CCR3: variants seen among roughly 807,000 people sequenced by gnomAD.
The protein encoded by CCR3 is C-C chemokine receptor type 3.
For missense variants in CCR3, 419 were observed against 437.5 expected, an observed-to-expected ratio of 0.96 and a Z score of 0.38; for synonymous variants, 203 against 179.2, an observed-to-expected ratio of 1.13 and a Z score of -1.06.
At chr3:46,240,875 A>G (rs757801009), upstream of CCR3, among the ~76,000 whole-genome samples, 2 of 152,238 alleles carry the variant, frequency 1.3e-5, no homozygotes, top group Non-Finnish European at 2.9e-5. Context: ...TTTTGCATTC[A>G]GGTGTCCAGC....
intron 1 of CCR3, among the ~76,000 whole-genome samples, chr3:46,250,043 T>A (rs1700275901): frequency 6.6e-6 from 1 of 152,122 alleles, no homozygotes; most frequent in Non-Finnish European, 1.5e-5. Flanking sequence ...GGTCTAGGGC[T>A]GTAAAGCGTC....
At chr3:46,235,854 T>A (rs1700018446) in intron 2 of CCR3, among the ~76,000 whole-genome samples, 1 of 152,250 alleles carries the variant, frequency 6.6e-6, no homozygotes. Flanking sequence ...TGGCATCTGC[T>A]GCCGAAGGCT....
At position 46,266,264 on chromosome 3, in the gene CCR3, G is replaced by A. The variant is rs766900796; in HGVS notation, c.*38G>A. ...AAATTGCCTAAAGAGGAAGGACCAA[G>A]GAGATGAAGCAAACACATTAAGCCT... On this transcript the variant is annotated 3_prime_UTR_variant, in exon 2 of 2. Transcript: ENST00000395940. 1.5e-6 allele frequency: 2 copies of A among 1,370,066 alleles called. No homozygotes were observed. Among genetic ancestry groups the A allele is most frequent in the Non-Finnish European group, 1.0e-6 (1 of 976,372 alleles). The allele number at this position is 1,370,066 out of a possible 1,614,324, so 84.9% of individuals were successfully genotyped here. A position where few individuals can be genotyped will look rare whatever the true frequency, so the allele number is the denominator to read the frequency against.
At chr3:46,261,318 T>C (rs1575511158) in intron 1 of CCR3, among the ~76,000 whole-genome samples, 3 of 152,152 alleles carry the variant, frequency 2.0e-5, no homozygotes, top group Non-Finnish European at 4.4e-5. Context: ...ATAAATCATC[T>C]AATAAATCTA....
chr3:46,257,829 A>AGTGTAACT (rs1410725356), intron 1 of CCR3, among the ~76,000 whole-genome samples: 1 of 152,232 alleles, frequency 6.6e-6, no homozygotes, highest in African/African-American at 2.4e-5. Flanking sequence ...AGTGTGGCTC[A>AGTGTAACT]GTGTAACTCT....
chr3:46,232,050 G>A (rs1699970764), intron 2 of CCR3, among the ~76,000 whole-genome samples: 1 of 152,100 alleles, frequency 6.6e-6, no homozygotes, highest in African/African-American at 2.4e-5. Flanking sequence ...ATATCCTGGG[G>A]AGAAAAATGT....
chr3:46,214,583 G>T (rs1036923522), intron 2 of CCR3, among the ~76,000 whole-genome samples: 1 of 152,126 alleles, frequency 6.6e-6, no homozygotes, highest in Non-Finnish European at 1.5e-5. Context: ...GTCACACTGA[G>T]GTATGAGGAC....
At chr3:46,264,620 C>T (rs1410964182) in intron 1 of CCR3, 1 of 566,898 alleles carries the variant, frequency 1.8e-6, no homozygotes, top group Non-Finnish European at 3.1e-6. Context: ...TTCAATTTCC[C>T]CATTAACTAT....
At chr3:46,255,925 G>A (rs1277714839) in intron 1 of CCR3, among the ~76,000 whole-genome samples, 2 of 151,944 alleles carry the variant, frequency 1.3e-5, no homozygotes, top group Non-Finnish European at 2.9e-5. Context: ...TTTTTTTCAA[G>A]TTCTGTGAAG....
At position 46,265,395 on chromosome 3, in the gene CCR3, G is replaced by A. The variant is rs201017868; in HGVS notation, c.237G>A (p.Ser79=). The A allele has an allele frequency of 6.3e-5, 102 of 1,614,130 alleles. No homozygotes were observed. Among genetic ancestry groups the A allele is most frequent in the Middle Eastern group, 4.9e-4 (3 of 6,062 alleles). ...TCTACCTGCTCAACCTGGCCATTTC[G>A]GACCTGCTCTTCCTCGTCACCCTTC... is the stretch of plus-strand genomic sequence containing the variant. ...TNIYLLNLAI[S]DLLFLVTLPF... is the part of the protein sequence containing the mutation. The change falls in exon 2 of 2, where the codon TCG becomes TCA. Residue 79 remains serine, a synonymous_variant. Transcript: ENST00000395940.
At chr3:46,255,729 T>C (rs1421068169) in intron 1 of CCR3, among the ~76,000 whole-genome samples, 2 of 152,172 alleles carry the variant, frequency 1.3e-5, no homozygotes, top group Admixed American at 6.5e-5. Context: ...TATTTCTGGG[T>C]TCTCTATTCT....
Position 46,264,321 on chromosome 3 carries a change from T to G in CCR3, c.-11-827T>G, listed in dbSNP as rs1231079144. 3 of 956,388 alleles carry G rather than the reference T, an allele frequency of 3.1e-6. No individual in the cohort carries two copies. The African/African-American group carries it at 4.9e-5, about 16-fold the overall frequency. 59.2% of individuals were successfully genotyped at this position (956,388 alleles called of 1,614,324 possible). On this transcript the variant is annotated intron_variant, in intron 1 of 1. Coordinates refer to ENST00000395940, the MANE Select transcript of CCR3 (RefSeq NM_178329.3). The stretch of plus-strand genomic sequence containing the variant: ...AAACTAATGCTGCTTATAATTGTAA[T>G]TATTGTAATAGTTAATTACTGTGAT...
intron 1 of CCR3, among the ~76,000 whole-genome samples, chr3:46,244,915 A>T (rs534713510): frequency 6.6e-6 from 1 of 152,310 alleles, no homozygotes; most frequent in Admixed American, 6.5e-5. Flanking sequence ...GAAAGCTGAA[A>T]TTCTGGTCAT....
chr3:46,221,231 T>TC (rs1699833385), intron 2 of CCR3, among the ~76,000 whole-genome samples: 1 of 145,490 alleles, frequency 6.9e-6, no homozygotes, highest in African/African-American at 2.7e-5. Context: ...AAGCTGGTTG[T>TC]TAACATTTAC....
At chr3:46,216,063 T>C (rs774159427) in intron 2 of CCR3, among the ~76,000 whole-genome samples, 4 of 152,194 alleles carry the variant, frequency 2.6e-5, no homozygotes, top group East Asian at 1.9e-4. Flanking sequence ...TGGGTCCCAC[T>C]CCATGGAGGA....
chr3:46,229,393 AT>A (rs1699936902), intron 2 of CCR3, among the ~76,000 whole-genome samples: 1 of 152,212 alleles, frequency 6.6e-6, no homozygotes, highest in Non-Finnish European at 1.5e-5. Context: ...TGTTTTTTAT[AT>A]CATTTTCTTA....
intron 1 of CCR3, among the ~76,000 whole-genome samples, chr3:46,242,987 A>ATG (rs1700117884): frequency 8.8e-6 from 1 of 114,160 alleles, no homozygotes; most frequent in Non-Finnish European, 1.7e-5. Context: ...ATACACATAT[A>ATG]TATATATATA....
At position 46,232,838 on chromosome 3, in the gene CCR3, T is replaced by C. The variant is rs545831668; in HGVS notation, c.-67-9564T>C. 2.0e-5 allele frequency among the ~76,000 whole-genome samples: 3 copies of C among 152,316 alleles called. No individual in the cohort carries two copies. In the East Asian group the frequency reaches 5.8e-4, roughly 29 times the overall value. On this transcript the variant is annotated intron_variant, in intron 2 of 3. Transcript: ENST00000357422. Reference sequence around the variant, plus strand: ...GCTATCTATCAGGGGAATAATCCTTTTTTGTGTTTTTCTAGATGAAGTCTT... The same window carrying C: ...GCTATCTATCAGGGGAATAATCCTTCTTTGTGTTTTTCTAGATGAAGTCTT...
intron 1 of CCR3, among the ~76,000 whole-genome samples, chr3:46,246,277 A>G (rs1416455833): frequency 2.0e-5 from 3 of 152,200 alleles, no homozygotes; most frequent in Non-Finnish European, 4.4e-5. Flanking sequence ...ACTTGCTTTT[A>G]TGCGTGTCCG....
Sources: allele counts gnomAD v4.1 joint callset (sites outside exome capture counted in the v4.1 genomes callset), GRCh38; gene constraint gnomAD v4.1.1; transcripts MANE v1.5; gene names NCBI Gene and HGNC (gene_info 2026-07-23, HGNC 2026-07-21).